Variants in SUMF1 observed in about 807,000 individuals in gnomAD.
The protein encoded by SUMF1 is sulfatase modifying factor 1, also known as formylglycine-generating enzyme.
Under a neutral mutation model 47.6 loss-of-function variants are expected in SUMF1, and 48 were observed. That is an observed-to-expected ratio of 1.01 (90% CI 0.80 to 1.28). The LOEUF (loss-of-function observed/expected upper bound fraction) is 1.28, where lower values mean the gene tolerates loss of function less well. Ranked by LOEUF, SUMF1 falls within the 50% of genes most tolerant of loss-of-function variation. The pLI is 0.00. For missense variants in SUMF1, 571 were observed against 485.4 expected (o/e 1.18, Z -1.66); for synonymous variants, 230 against 192.1 (o/e 1.20, Z -1.63).
chr3:4,361,638 T>C lies in SUMF1; in HGVS notation c.*506A>G. The C allele has an allele frequency of 5.8e-6, 1 of 172,584 alleles. No homozygotes were observed. The highest frequency in any genetic ancestry group is 1.3e-5 in the Non-Finnish European group (1 of 79,458). The allele number at this position is 172,584 out of a possible 1,614,324, so 10.7% of individuals were successfully genotyped here. A position where few individuals can be genotyped will look rare whatever the true frequency, so the allele number is the denominator to read the frequency against. Reference sequence around the variant, plus strand: ...TTACATGATTAGTATCACTCAAGGTTCACACATGGAAAAAATAGCTAAAAA... The same window carrying C: ...TTACATGATTAGTATCACTCAAGGTCCACACATGGAAAAAATAGCTAAAAA... On this transcript the variant is annotated 3_prime_UTR_variant, in exon 9 of 9. Transcript: ENST00000272902.
At chr3:4,255,181 C>T (rs1011214081) in intron 8 of SUMF1, among the ~76,000 whole-genome samples, 35 of 142,944 alleles carry the variant, frequency 2.4e-4, no homozygotes, top group African/African-American at 8.7e-4. Flanking sequence ...TAAAGACCAT[C>T]GAGACTAGGA....
At chr3:4,459,934 G>T (rs901099290) in intron 1 of SUMF1, among the ~76,000 whole-genome samples, 1 of 152,136 alleles carries the variant, frequency 6.6e-6, no homozygotes, top group African/African-American at 2.4e-5. Flanking sequence ...ACTGAAAAGG[G>T]CTGGAAACAA....
At chr3:4,354,260 G>A (rs1246790317) in intron 8 of SUMF1, among the ~76,000 whole-genome samples, 1 of 152,146 alleles carries the variant, frequency 6.6e-6, no homozygotes, top group African/African-American at 2.4e-5. Context: ...AAACAATGAG[G>A]CAGAACTACC....
intron 8 of SUMF1, among the ~76,000 whole-genome samples, chr3:4,188,112 G>T (rs1160604): frequency 0.36 from 53,904 of 151,486 alleles, 10,037 homozygotes; most frequent in Middle Eastern, 0.45. Flanking sequence ...TAGCACATGT[G>T]TACAACTGAT....
chr3:4,274,589 A>T (rs1697375061), intron 8 of SUMF1, among the ~76,000 whole-genome samples: 1 of 152,178 alleles, frequency 6.6e-6, no homozygotes, highest in South Asian at 2.1e-4. Context: ...ACTACTTTGC[A>T]ATTGTCTTTT....
intron 8 of SUMF1, among the ~76,000 whole-genome samples, chr3:4,220,101 A>G (rs1383972437): frequency 2.0e-5 from 3 of 152,130 alleles, no homozygotes; most frequent in African/African-American, 7.2e-5. Context: ...TACATAAGTC[A>G]CTACAATTTC....
At chr3:4,267,021 T>C (rs1302367187) in intron 8 of SUMF1, among the ~76,000 whole-genome samples, 1 of 152,182 alleles carries the variant, frequency 6.6e-6, no homozygotes, top group African/African-American at 2.4e-5. Context: ...ATATGCTGGA[T>C]TACATTTATT....
chr3:4,364,782 G>A lies in SUMF1; in HGVS notation c.1015-2528C>T, dbSNP rs946320387. Among the ~76,000 whole-genome samples, 3 of 151,710 alleles carry A rather than the reference G, an allele frequency of 2.0e-5. No individual in the cohort carries two copies. The South Asian group carries it at 6.3e-4, about 32-fold the overall frequency. ...CTTCTGCTAGCTTTTGAATGTGTTTGCTCTTGCTTTTCTGGTTCTTTTAAT... is the reference window on the plus strand; with the variant it reads ...CTTCTGCTAGCTTTTGAATGTGTTTACTCTTGCTTTTCTGGTTCTTTTAAT... On this transcript the variant is annotated intron_variant, in intron 8 of 8. Transcript: ENST00000272902.
rs140835524 is a variant in SUMF1, at chr3:4,457,502, A to G, written c.271-4453T>C. On this transcript the variant is annotated intron_variant, in intron 1 of 8. Transcript: ENST00000272902. ...ACACTATCTGACTTCAAAATATACT[A>G]CAAACCTAATCAAATGGCATGGTAC... Among the ~76,000 whole-genome samples the G allele has an allele frequency of 2.3e-3, 355 of 152,308 alleles. 3 individuals carry two copies. Among genetic ancestry groups the G allele is most frequent in the African/African-American group, 8.1e-3 (336 of 41,556 alleles).
chr3:4,338,667 CA>C (rs1248229949), intron 8 of SUMF1, among the ~76,000 whole-genome samples: 8 of 151,906 alleles, frequency 5.3e-5, no homozygotes. Flanking sequence ...AGGGAAAAAC[CA>C]AAACAAAATT....
At chr3:4,430,243 C>A (rs1702191586) in intron 3 of SUMF1, among the ~76,000 whole-genome samples, 1 of 152,154 alleles carries the variant, frequency 6.6e-6, no homozygotes, top group Non-Finnish European at 1.5e-5. Flanking sequence ...TAGGAAAGCA[C>A]TGGGTTACTC....
intron 7 of SUMF1, among the ~76,000 whole-genome samples, chr3:4,407,586 T>C (rs1701414821): frequency 6.6e-6 from 1 of 152,208 alleles, no homozygotes; most frequent in African/African-American, 2.4e-5. Context: ...TCAATAATTA[T>C]ATACAGGTTC....
At chr3:4,076,100 G>T (rs1297047540) in intron 8 of SUMF1, among the ~76,000 whole-genome samples, 3 of 152,042 alleles carry the variant, frequency 2.0e-5, no homozygotes, top group Non-Finnish European at 4.4e-5. Context: ...ATACTACAAG[G>T]CTGCAGTAAC....
chr3:4,242,254 G>A (rs189491839), intron 8 of SUMF1, among the ~76,000 whole-genome samples: 3 of 152,190 alleles, frequency 2.0e-5, no homozygotes, highest in East Asian at 1.9e-4. Flanking sequence ...TTTCCTAATT[G>A]AATACACTTT....
At chr3:4,204,392 T>C (rs1695606627) in intron 8 of SUMF1, among the ~76,000 whole-genome samples, 1 of 152,174 alleles carries the variant, frequency 6.6e-6, no homozygotes, top group Admixed American at 6.5e-5. Flanking sequence ...TTTCTCTTGC[T>C]GCTTTTAGGA....
At chr3:4,111,736 T>TA (rs1170749881) in intron 8 of SUMF1, among the ~76,000 whole-genome samples, 4 of 151,824 alleles carry the variant, frequency 2.6e-5, no homozygotes, top group Non-Finnish European at 4.4e-5. Context: ...AGACACCGTC[T>TA]AAAAAAAACC....
At chr3:4,317,962 G>T (rs769997159) in intron 8 of SUMF1, among the ~76,000 whole-genome samples, 2 of 152,112 alleles carry the variant, frequency 1.3e-5, no homozygotes, top group Non-Finnish European at 2.9e-5. Context: ...GACTTAAAGG[G>T]GGAAAAAGTC....
intron 8 of SUMF1, among the ~76,000 whole-genome samples, chr3:4,242,461 T>G (rs1696562223): frequency 6.6e-6 from 1 of 152,196 alleles, no homozygotes; most frequent in African/African-American, 2.4e-5. Flanking sequence ...ACACCTAGTT[T>G]ATTGAGAATT....
intron 8 of SUMF1, among the ~76,000 whole-genome samples, chr3:4,246,636 G>A (rs191791598): frequency 6.6e-5 from 10 of 152,112 alleles, no homozygotes; most frequent in South Asian, 2.1e-4. Context: ...TCCTGACCTC[G>A]TGATCCACCT....
Sources: gnomAD v4.1 joint callset for allele counts (sites outside exome capture counted in the v4.1 genomes callset) on GRCh38, gnomAD v4.1.1 for gene constraint, MANE v1.5 for transcripts, NCBI Gene and HGNC (gene_info 2026-07-23, HGNC 2026-07-21) for gene names.